The following PODXL2 variants were observed in gnomAD, a reference collection of about 807,000 sequenced individuals.
PODXL2 encodes podocalyxin like 2, also known as podocalyxin-like protein 2.
PODXL2 carries 17 observed loss-of-function variants against 53.4 expected under a neutral mutation model. The ratio of observed to expected loss-of-function variants is 0.32; its 90% CI spans 0.22 to 0.48. The LOEUF (loss-of-function observed/expected upper bound fraction) is 0.48. Among genes scored for constraint, PODXL2 ranks in the 20% least tolerant of loss-of-function variants. The pLI is 0.99. For missense variants in PODXL2, 673 were observed against 760.0 expected, an observed-to-expected ratio of 0.89 and a Z score of 1.35; for synonymous variants, 311 against 306.7, an observed-to-expected ratio of 1.01 and a Z score of -0.15.
At chr3:127,661,836 A>G (rs1326932033) in intron 3 of PODXL2, among the ~76,000 whole-genome samples, 4 of 151,894 alleles carry the variant, frequency 2.6e-5, no homozygotes, top group Admixed American at 6.6e-5. Context: ...CCCCACCGAC[A>G]CCCATGTGCA....
chr3:127,643,400 G>A (rs971100674), intron 2 of PODXL2, among the ~76,000 whole-genome samples: 1 of 151,572 alleles, frequency 6.6e-6, no homozygotes, highest in Non-Finnish European at 1.5e-5. Context: ...AGTAGAGATG[G>A]GATTTCACTA....
rs9880067 is a variant in PODXL2 at position 127,643,456 on chromosome 3, T to C, written c.349+3933T>C. ...AACTCCTGATCTCAAGTGATCCACC[T>C]GCCTCAGCCTCTCAAAGTGTTGGGA... is the stretch of plus-strand genomic sequence containing the variant. On this transcript the variant is annotated intron_variant, in intron 2 of 7. Coordinates refer to ENST00000342480, the MANE Select transcript of PODXL2 (RefSeq NM_015720.4). Among the ~76,000 whole-genome samples, 1,465 of 152,242 alleles carry C rather than the reference T, an allele frequency of 9.6e-3. 28 individuals carry two copies. Among genetic ancestry groups the C allele is most frequent in the African/African-American group, 0.033 (1,355 of 41,536 alleles).
Position 127,639,345 on chromosome 3 carries a change from G to T in PODXL2, c.171G>T (p.Glu57Asp), listed in dbSNP as rs1422980884. Residue 57 changes from glutamate to aspartate, a missense_variant, in exon 2 of 8, where the codon GAG becomes GAT. By Grantham distance (45) the Glu-to-Asp change is conservative (BLOSUM62 2). Coordinates refer to ENST00000342480, the MANE Select transcript of PODXL2 (RefSeq NM_015720.4). ...ACCTCCTGCTGCCCACTGGCTTGGA[G>T]CCACTGGACTCAGAGGAGCCTAGTG... is the stretch of plus-strand genomic sequence containing the variant. ...LLDLLLPTGL[E>D]PLDSEEPSET... 1 of 1,614,186 alleles carries T rather than the reference G, an allele frequency of 6.2e-7. No homozygotes were observed. The highest frequency in any genetic ancestry group is 1.7e-5 in the Admixed American group (1 of 60,030).
intron 3 of PODXL2, among the ~76,000 whole-genome samples, chr3:127,661,506 G>A (rs1014087952): frequency 4.6e-5 from 7 of 151,632 alleles, no homozygotes; most frequent in Non-Finnish European, 8.8e-5. Flanking sequence ...GCATGATCTC[G>A]GTTCACTGCA....
intron 2 of PODXL2, among the ~76,000 whole-genome samples, chr3:127,640,283 G>A (rs148703453): frequency 2.0e-3 from 300 of 152,332 alleles, no homozygotes; most frequent in African/African-American, 5.5e-3. Flanking sequence ...GGGGCAAGGT[G>A]TTACAGAACT....
chr3:127,659,667 A>T (rs771181491), intron 2 of PODXL2, among the ~76,000 whole-genome samples: 1 of 152,232 alleles, frequency 6.6e-6, no homozygotes, highest in Non-Finnish European at 1.5e-5. Flanking sequence ...TCTGATCTCC[A>T]GGAAGTCTCC....
At chr3:127,668,296 C>T in intron 4 of PODXL2, 145 bp from the exon 5 acceptor site, 1 of 638,634 alleles carries the variant, frequency 1.6e-6, no homozygotes. Context: ...TTGCAGCTCT[C>T]AGAGGGTCTC....
In PODXL2 at chr3:127,639,980, G is replaced by A. The variant is rs187221833; in HGVS notation, c.349+457G>A. Among the ~76,000 whole-genome samples, 804 of 152,294 alleles carry A rather than the reference G, an allele frequency of 5.3e-3. 7 individuals carry two copies. Among genetic ancestry groups the A allele is most frequent in the African/African-American group, 0.018 (752 of 41,558 alleles). On this transcript the variant is annotated intron_variant, in intron 2 of 7. Transcript: ENST00000342480. The stretch of plus-strand genomic sequence containing the variant: ...TGTCTCTGTTGAAGATTGCCACAAG[G>A]TCAGCTGATCCATGTTTCCTTGAGT...
Position 127,629,281 on chromosome 3 carries a change from TG to T in PODXL2, c.64del (p.Val22LeufsTer27). Reference protein sequence around the residue: ...PPLLSPLLLLLVGGAFLGACV... With the variant: ...PPLLSPLLLLXVGGAFLGACV... ...CTGCTTTCGCCGCTGCTGCTTCTGC[TG>T]GTTGGGGGTGAGTGCGCTCCGGGCC... On this transcript the variant is annotated frameshift_variant, in exon 1 of 8. Transcript: ENST00000342480. LOFTEE classifies it high-confidence loss of function. The surrounding 1 kb of genome is among the most constrained non-coding windows in gnomAD (Gnocchi z 6.4). The T allele has an allele frequency of 9.9e-7, 1 of 1,013,830 alleles. No individual in the cohort carries two copies. Among genetic ancestry groups the T allele is most frequent in the Non-Finnish European group, 1.2e-6 (1 of 848,962 alleles). 62.8% of individuals were successfully genotyped at this position (1,013,830 alleles called of 1,614,324 possible).
chr3:127,651,087 A>T (rs771517212), intron 2 of PODXL2, among the ~76,000 whole-genome samples: 100 of 152,142 alleles, frequency 6.6e-4, no homozygotes, highest in Admixed American at 2.2e-3. Context: ...CAACATGGTG[A>T]AACCCCATCT....
chr3:127,672,137 G>A, intron 7 of PODXL2, 131 bp from the exon 8 acceptor site: 1 of 660,660 alleles, frequency 1.5e-6, no homozygotes, highest in Non-Finnish European at 2.6e-6. Context: ...TGCAGCAACA[G>A]AAAAGAAGGA....
intron 7 of PODXL2, 64 bp from the exon 8 acceptor site, chr3:127,672,204 C>T (rs1234224874): frequency 2.1e-6 from 3 of 1,405,778 alleles, no homozygotes; most frequent in African/African-American, 1.4e-5. Context: ...CACAGACGGC[C>T]GCGGGCCTGG....
Position 127,631,138 on chromosome 3 carries a change from A to G in PODXL2, c.70+1849A>G, listed in dbSNP as rs560743146. On this transcript the variant is annotated intron_variant, in intron 1 of 7. Coordinates refer to ENST00000342480, the MANE Select transcript of PODXL2 (RefSeq NM_015720.4). ...CAGGGACCTGTCAGCATTGTTTCTC[A>G]GGTGCTTACAGAGTGGAGGTAGCGT... Among the ~76,000 whole-genome samples the G allele has an allele frequency of 6.6e-5, 10 of 152,246 alleles. No individual in the cohort carries two copies. The East Asian group carries it at 1.9e-3, about 29-fold the overall frequency.
chr3:127,655,523 G>A (rs981428686), intron 2 of PODXL2, among the ~76,000 whole-genome samples: 1 of 152,182 alleles, frequency 6.6e-6, no homozygotes. Flanking sequence ...TCACCTCACT[G>A]AACCCTGACC....
chr3:127,630,900 A>C (rs2074540953), intron 1 of PODXL2, among the ~76,000 whole-genome samples: 1 of 152,276 alleles, frequency 6.6e-6, no homozygotes, highest in African/African-American at 2.4e-5. Flanking sequence ...GTCATAAACC[A>C]GAACTGGCCA....
chr3:127,663,801 T>C (rs990921480), intron 4 of PODXL2, among the ~76,000 whole-genome samples: 7 of 152,232 alleles, frequency 4.6e-5, no homozygotes, highest in Non-Finnish European at 5.9e-5. Flanking sequence ...AGACCACAGA[T>C]GGGTACTTGG....
intron 1 of PODXL2, among the ~76,000 whole-genome samples, chr3:127,631,823 A>G (rs1201305399): frequency 6.6e-6 from 1 of 152,222 alleles, no homozygotes; most frequent in Admixed American, 6.5e-5. Context: ...TAAAGACAAA[A>G]CAGTCATTAG....
At chr3:127,652,646 C>A (rs1276336328) in intron 2 of PODXL2, among the ~76,000 whole-genome samples, 1 of 152,206 alleles carries the variant, frequency 6.6e-6, no homozygotes, top group Non-Finnish European at 1.5e-5. Flanking sequence ...AGCCCTTAGA[C>A]TTCCACGTGT....
intron 2 of PODXL2, among the ~76,000 whole-genome samples, chr3:127,651,322 A>G (rs1179000502): frequency 6.6e-6 from 1 of 152,190 alleles, no homozygotes. Context: ...GAAGGATGAA[A>G]ACAGAAAGGT....
Sources: gnomAD v4.1 joint callset for allele counts (sites outside exome capture counted in the v4.1 genomes callset) on GRCh38, gnomAD v4.1.1 for gene constraint, Gnocchi (gnomAD v3.1) non-coding constraint, MANE v1.5 for transcripts, NCBI Gene and HGNC (gene_info 2026-07-23, HGNC 2026-07-21) for gene names.